Variants in MCF2L observed in about 807,000 individuals in gnomAD.
The protein encoded by MCF2L is guanine nucleotide exchange factor DBS.
In MCF2L, 97 loss-of-function variants were observed where a neutral mutation model predicts 153.4. The observed-to-expected ratio is 0.63, with a 90% CI of 0.54 to 0.75. The LOEUF (loss-of-function observed/expected upper bound fraction) is 0.75, where lower values mean the gene tolerates loss of function less well. MCF2L is among the 30% of genes least tolerant of loss of function. The pLI is 0.00. For missense variants in MCF2L, 1,347 were observed against 1,495.2 expected (o/e 0.90, Z 1.64); for synonymous variants, 659 against 632.2 (o/e 1.04, Z -0.64).
intron 4 of MCF2L, among the ~76,000 whole-genome samples, chr13:113,057,040 G>A (rs1444895644): frequency 8.9e-5 from 13 of 146,380 alleles, no homozygotes; most frequent in East Asian, 2.1e-4. Flanking sequence ...CTGAGTGGGC[G>A]CTGAGTGTTT....
At chr13:112,982,695 T>G (rs3011546) in intron 1 of MCF2L, among the ~76,000 whole-genome samples, 67,177 of 151,706 alleles carry the variant, frequency 0.44, 15,975 homozygotes, top group African/African-American at 0.62. Flanking sequence ...ACCATGCCGC[T>G]TACCCTCAGG....
intron 2 of MCF2L, among the ~76,000 whole-genome samples, chr13:112,908,244 C>T (rs921704371): frequency 4.6e-5 from 7 of 152,166 alleles, no homozygotes; most frequent in Non-Finnish European, 8.8e-5. Context: ...ACCAGGGCTC[C>T]TGTGTTAGGG....
chr13:112,962,211 GCA>G (rs1412881874), intron 2 of MCF2L, among the ~76,000 whole-genome samples: 1 of 86,446 alleles, frequency 1.2e-5, no homozygotes, highest in Non-Finnish European at 2.9e-5. Context: ...TCACACACTT[GCA>G]CACAGTCACA....
intron 3 of MCF2L, among the ~76,000 whole-genome samples, chr13:113,039,149 G>T (rs527657534): frequency 6.6e-6 from 1 of 152,134 alleles, no homozygotes; most frequent in East Asian, 1.9e-4. Context: ...GTGAGCCACC[G>T]CGCCCGGCCA....
chr13:112,977,045 C>T (rs989313418), intron 1 of MCF2L, among the ~76,000 whole-genome samples: 1 of 152,100 alleles, frequency 6.6e-6, no homozygotes, highest in Non-Finnish European at 1.5e-5. Context: ...CAGGTGTGCA[C>T]GGCGGCTCCC....
At chr13:113,065,131 A>G in intron 7 of MCF2L, 46 bp downstream of exon 7, 2 of 1,603,994 alleles carry the variant, frequency 1.2e-6, no homozygotes, top group Non-Finnish European at 1.7e-6. Flanking sequence ...GGCTCCGGTC[A>G]GTCAGAAGCT....
intron 1 of MCF2L, among the ~76,000 whole-genome samples, chr13:112,899,271 G>A (rs925486018): frequency 9.4e-4 from 143 of 152,344 alleles, no homozygotes; most frequent in African/African-American, 3.1e-3. Flanking sequence ...GGACCACAAA[G>A]CCCAGGGGGC....
intron 5 of MCF2L, chr13:113,063,724 G>A (rs1485699122): frequency 2.4e-6 from 1 of 409,352 alleles, no homozygotes; most frequent in Non-Finnish European, 5.0e-6. Context: ...CACGGCAGCA[G>A]AGGTGCCGGG....
chr13:112,931,485 T>C (rs1042609556), intron 2 of MCF2L, among the ~76,000 whole-genome samples: 1 of 152,234 alleles, frequency 6.6e-6, no homozygotes, highest in African/African-American at 2.4e-5. Flanking sequence ...AGAGCAGGTG[T>C]GCGGCGTCAG....
intron 2 of MCF2L, among the ~76,000 whole-genome samples, chr13:112,955,799 A>G (rs1000878649): frequency 6.6e-6 from 1 of 152,166 alleles, no homozygotes; most frequent in Non-Finnish European, 1.5e-5. Context: ...CCACCTACAC[A>G]CATCTTGAAT....
rs1304361468 is a variant in MCF2L, at chr13:112,943,642, CCAGT to C, written c.169+41273_169+41276del. Among the ~76,000 whole-genome samples, 1 of 152,142 alleles carries C rather than the reference CCAGT, an allele frequency of 6.6e-6. No homozygotes were observed. Among genetic ancestry groups the C allele is most frequent in the Admixed American group, 6.5e-5 (1 of 15,286 alleles). ...AGGCGCGGGGGGCGGGACCTGCCGG[CCAGT>C]CCCTTACCCGGGGACAGACGGGGAA... On this transcript the variant is annotated intron_variant, in intron 2 of 29. Transcript: ENST00000375608. The surrounding 1 kb of genome is among the most constrained non-coding windows in gnomAD (Gnocchi z 4.2).
At chr13:113,086,965 G>T (rs554859329) in intron 21 of MCF2L, among the ~76,000 whole-genome samples, 2 of 152,116 alleles carry the variant, frequency 1.3e-5, no homozygotes, top group Non-Finnish European at 2.9e-5. Context: ...TTGGACAGGC[G>T]TGTAACATCC....
intron 1 of MCF2L, among the ~76,000 whole-genome samples, chr13:112,895,440 C>A (rs553850597): frequency 6.6e-6 from 1 of 152,124 alleles, no homozygotes; most frequent in Non-Finnish European, 1.5e-5. Context: ...TGCAGAGTGT[C>A]GGTGTGGTCC....
At chr13:113,090,394 C>T (rs770051056) in intron 26 of MCF2L, 402 of 985,332 alleles carry the variant, frequency 4.1e-4, no homozygotes, top group Non-Finnish European at 4.7e-4. Context: ...TGCTCAGAAA[C>T]GGAGCTGTCC....
In MCF2L at chr13:113,045,383, G is replaced by A; in HGVS notation, c.369+22G>A. On this transcript the variant is annotated intron_variant, in intron 4 of 29. Transcript: ENST00000535094. This position sits in a 1 kb window ranked among gnomAD's most constrained non-coding sequence, Gnocchi z 4.2. ...CGCAGTAAGTGCCACCCGGGGCTCTGCCCTGCGCCCGGCCCCTCCCTGGGC... is the reference window on the plus strand; with the variant it reads ...CGCAGTAAGTGCCACCCGGGGCTCTACCCTGCGCCCGGCCCCTCCCTGGGC... 1.2e-6 allele frequency: 2 copies of A among 1,600,876 alleles called. No homozygotes were observed. Among genetic ancestry groups the A allele is most frequent in the South Asian group, 2.2e-5 (2 of 90,822 alleles).
Position 113,044,535 on chromosome 13 carries a change from C to T in MCF2L, c.279-736C>T, listed in dbSNP as rs1335015221. 6 of 1,230,880 alleles carry T rather than the reference C, an allele frequency of 4.9e-6. No individual in the cohort carries two copies. The Admixed American group carries it at 8.1e-5, about 17-fold the overall frequency. The allele number at this position is 1,230,880 out of a possible 1,614,324, so 76.2% of individuals were successfully genotyped here. On this transcript the variant is annotated intron_variant, in intron 3 of 29. Transcript: ENST00000535094. ...TTCTAGCCCCTGCCTTAGGCATGCCCGTGTGGTTGTTTCTGCTTTGGATTG... is the reference window on the plus strand; with the variant it reads ...TTCTAGCCCCTGCCTTAGGCATGCCTGTGTGGTTGTTTCTGCTTTGGATTG...
chr13:112,961,104 T>TCTACTATGCCTCCACGTTGCAC (rs2081820213), intron 2 of MCF2L, among the ~76,000 whole-genome samples: 1 of 75,050 alleles, frequency 1.3e-5, no homozygotes, highest in Admixed American at 1.3e-4. Context: ...CCACGTTGCA[T>TCTACTATGCCTCCACGTTGCAC]CTGCTATGCC....
Position 113,055,691 on chromosome 13 carries a change from C to A in MCF2L, c.370-4902C>A, listed in dbSNP as rs185197512. ...GCTTCTCGAAGGAGGACTGCCCAGG[C>A]GCCTCGTCCACCAGGATCACACTCC... On this transcript the variant is annotated intron_variant, in intron 4 of 29. Coordinates refer to ENST00000535094, the MANE Select transcript of MCF2L (RefSeq NM_001112732.3). 2.6e-3 allele frequency among the ~76,000 whole-genome samples: 400 copies of A among 152,292 alleles called. 5 individuals are homozygous for A. The highest frequency in any genetic ancestry group is 6.3e-4 in the Non-Finnish European group (43 of 68,022).
intron 1 of MCF2L, among the ~76,000 whole-genome samples, chr13:112,998,504 G>A (rs115246778): frequency 0.018 from 2,783 of 152,272 alleles, 88 homozygotes; most frequent in African/African-American, 0.063. Context: ...AGCTGACTGG[G>A]CTCCCAGGAC....
Sources: allele counts gnomAD v4.1 joint callset (sites outside exome capture counted in the v4.1 genomes callset), GRCh38; gene constraint gnomAD v4.1.1; non-coding constraint Gnocchi (gnomAD v3.1); transcripts MANE v1.5; gene names NCBI Gene and HGNC (gene_info 2026-07-23, HGNC 2026-07-21).